RBFOX3: variants seen among roughly 807,000 people sequenced by gnomAD.
RBFOX3 encodes the protein RNA binding fox-1 homolog 3, also known as RNA binding protein fox-1 homolog 3.
Under a neutral mutation model 48.7 loss-of-function variants are expected in RBFOX3, and 17 were observed. That is an observed-to-expected ratio of 0.35 (90% CI 0.24 to 0.52). The LOEUF (loss-of-function observed/expected upper bound fraction) is 0.52, where lower values mean the gene tolerates loss of function less well. Among genes scored for constraint, RBFOX3 ranks in the 20% least tolerant of loss-of-function variants. RBFOX3 has a pLI of 0.94. For missense variants in RBFOX3, 382 were observed against 497.5 expected, an observed-to-expected ratio of 0.77 and a Z score of 2.21; for synonymous variants, 212 against 209.5, an observed-to-expected ratio of 1.01 and a Z score of -0.10.
intron 1 of RBFOX3, among the ~76,000 whole-genome samples, chr17:79,540,009 T>C (rs2089443402): frequency 6.6e-6 from 1 of 152,188 alleles, no homozygotes; most frequent in Admixed American, 6.5e-5. Context: ...CTGGCAACCC[T>C]GGGGACAGCA....
At chr17:79,450,274 A>G (rs188732556) in intron 2 of RBFOX3, among the ~76,000 whole-genome samples, 17 of 152,318 alleles carry the variant, frequency 1.1e-4, no homozygotes, top group Admixed American at 1.0e-3. Context: ...TCCAATTTCA[A>G]TTCTAATCAC....
chr17:79,293,370 C>A (rs1287077291), intron 3 of RBFOX3, among the ~76,000 whole-genome samples: 1 of 135,678 alleles, frequency 7.4e-6, no homozygotes, highest in South Asian at 2.9e-4. Context: ...TCCCCTCCCC[C>A]TCCCTCCCCT....
intron 1 of RBFOX3, among the ~76,000 whole-genome samples, chr17:79,510,487 G>A (rs1056355587): frequency 1.8e-4 from 27 of 152,266 alleles, no homozygotes; most frequent in African/African-American, 5.5e-4. Context: ...CTTCATGTTC[G>A]GGGCCACAGG....
chr17:79,184,172 C>T (rs1261618203), intron 4 of RBFOX3, among the ~76,000 whole-genome samples: 9 of 152,194 alleles, frequency 5.9e-5, no homozygotes. Flanking sequence ...TCTGGCTGCC[C>T]AGGGCTTGGA....
intron 4 of RBFOX3, among the ~76,000 whole-genome samples, chr17:79,125,712 C>A: frequency 6.6e-6 from 1 of 152,232 alleles, no homozygotes; most frequent in Admixed American, 6.5e-5. Flanking sequence ...TCAGACGGCT[C>A]CCGCCTGCGG....
intron 3 of RBFOX3, among the ~76,000 whole-genome samples, chr17:79,278,548 G>A (rs970492140): frequency 0.041 from 5 of 122 alleles, no homozygotes; most frequent in African/African-American, 0.067. Flanking sequence ...CAGGGAGCAT[G>A]CAGACCCCCC....
chr17:79,222,747 G>T (rs1455545971), intron 4 of RBFOX3, among the ~76,000 whole-genome samples: 1 of 152,216 alleles, frequency 6.6e-6, no homozygotes, highest in East Asian at 1.9e-4. Context: ...CTCCTAGAGG[G>T]CAGGGGCTCA....
intron 3 of RBFOX3, among the ~76,000 whole-genome samples, chr17:79,257,818 C>T (rs756912044): frequency 1.3e-5 from 2 of 152,072 alleles, no homozygotes; most frequent in African/African-American, 4.8e-5. Context: ...TGAGCTCAGG[C>T]AATACACTCG....
intron 4 of RBFOX3, among the ~76,000 whole-genome samples, chr17:79,151,404 C>T (rs1265093977): frequency 1.0e-5 from 1 of 99,978 alleles, no homozygotes; most frequent in Non-Finnish European, 2.0e-5. Context: ...AGCAAAGGCA[C>T]GGGGCTGGGA....
At chr17:79,560,428 T>C (rs1432186594) in intron 1 of RBFOX3, among the ~76,000 whole-genome samples, 2 of 152,150 alleles carry the variant, frequency 1.3e-5, no homozygotes, top group African/African-American at 4.8e-5. Flanking sequence ...GGGCAACCAC[T>C]TTACTTCTCC....
the RBFOX3 span, among the ~76,000 whole-genome samples, chr17:79,657,793 A>G: frequency 4.6e-5 from 7 of 152,210 alleles, no homozygotes; most frequent in Non-Finnish European, 5.9e-5. Flanking sequence ...CAGAGGTTAC[A>G]ATGCAGGTCC....
intron 2 of RBFOX3, among the ~76,000 whole-genome samples, chr17:79,422,669 G>A (rs1429016102): frequency 1.4e-5 from 2 of 147,566 alleles, no homozygotes; most frequent in African/African-American, 2.5e-5. Context: ...CTGCCTGGGC[G>A]CAGTGGCGGG....
the RBFOX3 span, among the ~76,000 whole-genome samples, chr17:79,633,325 A>G: frequency 6.6e-6 from 1 of 152,380 alleles, no homozygotes; most frequent in South Asian, 2.1e-4. Context: ...TGTCAGTGCC[A>G]GCGGGCAAGG....
the RBFOX3 span, among the ~76,000 whole-genome samples, chr17:79,656,110 T>A: frequency 6.6e-6 from 1 of 152,166 alleles, no homozygotes; most frequent in Non-Finnish European, 1.5e-5. Context: ...AGAACCCACG[T>A]CCTTGTCACA....
chr17:79,267,592 T>C (rs1242211633), intron 3 of RBFOX3, among the ~76,000 whole-genome samples: 1 of 152,182 alleles, frequency 6.6e-6, no homozygotes, highest in Non-Finnish European at 1.5e-5. Context: ...GATTTCACCA[T>C]GTTGGCCAAG....
At chr17:79,600,230 A>G (rs948719619) in intron 1 of RBFOX3, 7 of 152,306 alleles carry the variant, frequency 4.6e-5, no homozygotes, top group Non-Finnish European at 1.0e-4. Context: ...ATGCTCATGC[A>G]CGCACACAGG....
intron 1 of RBFOX3, among the ~76,000 whole-genome samples, chr17:79,583,537 G>A (rs1308643196): frequency 6.6e-6 from 1 of 152,176 alleles, no homozygotes; most frequent in Non-Finnish European, 1.5e-5. Flanking sequence ...TTTCCTTAAG[G>A]GAGTGACATT....
In RBFOX3 at chr17:79,249,982, G is replaced by C. The variant is rs1252399205; in HGVS notation, c.-73-14177C>G. Among the ~76,000 whole-genome samples the C allele has an allele frequency of 6.6e-6, 1 of 152,216 alleles. No individual in the cohort carries two copies. Among genetic ancestry groups the C allele is most frequent in the African/African-American group, 2.4e-5 (1 of 41,454 alleles). On this transcript the variant is annotated intron_variant, in intron 3 of 14. Transcript: ENST00000693108. This position sits in a 1 kb window ranked among gnomAD's most constrained non-coding sequence, Gnocchi z 4.1. Reference sequence around the variant, plus strand: ...ATCGCTTTGGCTCTTGCGAGAGGGAGCCAGTTTTAAGGATGAAACCGTAAT... The same window carrying C: ...ATCGCTTTGGCTCTTGCGAGAGGGACCCAGTTTTAAGGATGAAACCGTAAT...
intron 1 of RBFOX3, among the ~76,000 whole-genome samples, chr17:79,542,967 C>T (rs1479408543): frequency 1.3e-5 from 2 of 152,132 alleles, no homozygotes; most frequent in African/African-American, 4.8e-5. Flanking sequence ...TTTCACTCTA[C>T]ACACGTCAAC....
Sources: gnomAD v4.1 joint callset for allele counts (sites outside exome capture counted in the v4.1 genomes callset) on GRCh38, gnomAD v4.1.1 for gene constraint, Gnocchi (gnomAD v3.1) non-coding constraint, MANE v1.5 for transcripts, NCBI Gene and HGNC (gene_info 2026-07-23, HGNC 2026-07-21) for gene names.